ARMC6: variants seen among roughly 807,000 people sequenced by gnomAD.
ARMC6 encodes armadillo repeat-containing protein 6.
In ARMC6, 43 loss-of-function variants were observed where a neutral mutation model predicts 49.2. The ratio of observed to expected loss-of-function variants is 0.87; its 90% CI spans 0.69 to 1.13. ARMC6 has a LOEUF of 1.13. Ranked by LOEUF, ARMC6 falls within the 50% of genes most tolerant of loss-of-function variation. The pLI is 0.00. For synonymous variants in ARMC6, 262 were observed against 289.6 expected (o/e 0.90, Z 0.97); for missense variants, 627 against 682.0 (o/e 0.92, Z 0.90).
chr19:19,037,547 T>C (rs1241587013), intron 2 of ARMC6: 1 of 774,548 alleles, frequency 1.3e-6, no homozygotes, highest in Admixed American at 2.4e-5. Context: ...TGGTATTTTT[T>C]ATAGAGATGG....
At position 19,051,718 on chromosome 19, in the gene ARMC6, G is replaced by T; in HGVS notation, c.376G>T (p.Ala126Ser). Residue 126 changes from alanine (A) to serine (S), a missense_variant, in exon 5 of 9, where the codon GCC (alanine) becomes TCC (serine). Transcript: ENST00000535612. ...RFCDQCKQDK[A>S]CRFLAAQKGA... ...CTGCGACCAGTGCAAACAGGACAAG[G>T]CCTGCCGCTTCCTCGCGGCCCAGAA... 1 of 1,613,980 alleles carries T rather than the reference G, an allele frequency of 6.2e-7. No homozygotes were observed. Among genetic ancestry groups the T allele is most frequent in the Non-Finnish European group, 8.5e-7 (1 of 1,180,048 alleles).
intron 4 of ARMC6, 71 bp from the exon 5 acceptor site, chr19:19,051,551 C>T (rs1599646245): frequency 7.1e-7 from 1 of 1,410,822 alleles, no homozygotes. Context: ...TGCAGGGGTC[C>T]AGACACTGTT....
chr19:19,054,030 C>T (rs2059521855), intron 5 of ARMC6, 122 bp from the exon 6 acceptor site: 2 of 993,192 alleles, frequency 2.0e-6, no homozygotes, highest in South Asian at 5.2e-5. Flanking sequence ...TTCCTGGTGC[C>T]CGTGGCCACT....
rs373843719 is a variant in ARMC6, at chr19:19,054,589, C to T, written c.1023+268C>T. Reference sequence around the variant, plus strand: ...AGGCTGGGATACTTGGGTTAGTTCCCGCACCTCTGCCTCAGTTTCCCTAGC... The same window carrying T: ...AGGCTGGGATACTTGGGTTAGTTCCTGCACCTCTGCCTCAGTTTCCCTAGC... On this transcript the variant is annotated intron_variant, in intron 6 of 8. Transcript: ENST00000535612. 2.0e-5 allele frequency among the ~76,000 whole-genome samples: 3 copies of T among 152,220 alleles called. No homozygotes were observed. The East Asian group carries it at 5.8e-4, about 29-fold the overall frequency.
In ARMC6 at chr19:19,057,407, C is replaced by A; in HGVS notation, c.1294-9C>A. The A allele has an allele frequency of 6.2e-7, 1 of 1,611,362 alleles. No homozygotes were observed. Among genetic ancestry groups the A allele is most frequent in the Non-Finnish European group, 8.5e-7 (1 of 1,179,228 alleles). ...CCATCTGGCAGCTCACAGCTGCTCTCTCCTACAGAAACAGGCTTGCATGCT... is the reference window on the plus strand; with the variant it reads ...CCATCTGGCAGCTCACAGCTGCTCTATCCTACAGAAACAGGCTTGCATGCT... On this transcript the variant is annotated splice_polypyrimidine_tract_variant and intron_variant, in intron 8 of 8. Coordinates refer to ENST00000535612, the MANE Select transcript of ARMC6 (RefSeq NM_001199196.2).
intron 2 of ARMC6, among the ~76,000 whole-genome samples, chr19:19,042,178 T>C (rs2059416150): frequency 6.6e-6 from 1 of 152,200 alleles, no homozygotes; most frequent in African/African-American, 2.4e-5. Flanking sequence ...ATTATAGGCA[T>C]TGACCCACTG....
At chr19:19,035,342 A>T (rs1397191994) in intron 2 of ARMC6, among the ~76,000 whole-genome samples, 1 of 152,196 alleles carries the variant, frequency 6.6e-6, no homozygotes, top group Non-Finnish European at 1.5e-5. Context: ...CCTGGCTGAG[A>T]GAAGGAAACT....
Position 19,042,786 on chromosome 19 carries a change from C to G in ARMC6, c.105C>G (p.Thr35=). 6.2e-7 allele frequency: 1 copy of G among 1,614,034 alleles called. No homozygotes were observed. Among genetic ancestry groups the G allele is most frequent in the South Asian group, 1.1e-5 (1 of 91,088 alleles). ...KMVSKRIAQE[T]FDAAVRENIE... Reference sequence around the variant, plus strand: ...TCTCCAAGCGCATTGCCCAGGAGACCTTTGATGCAGCTGTGCGCGAGAACA... The same window carrying G: ...TCTCCAAGCGCATTGCCCAGGAGACGTTTGATGCAGCTGTGCGCGAGAACA... Residue 35 remains threonine, a synonymous_variant, in exon 3 of 9, where the codon ACC becomes ACG. Coordinates refer to ENST00000535612, the MANE Select transcript of ARMC6 (RefSeq NM_001199196.2).
intron 2 of ARMC6, among the ~76,000 whole-genome samples, chr19:19,035,703 G>A (rs2059359468): frequency 6.6e-6 from 1 of 152,150 alleles, no homozygotes; most frequent in African/African-American, 2.4e-5. Flanking sequence ...GCAGCCACCT[G>A]GAAGGGCTGG....
chr19:19,050,067 C>G (rs2059483585), intron 4 of ARMC6, among the ~76,000 whole-genome samples: 1 of 152,082 alleles, frequency 6.6e-6, no homozygotes, highest in Non-Finnish European at 1.5e-5. Flanking sequence ...CAGTATTTGT[C>G]TTTTGGTGAC....
chr19:19,048,459 G>A (rs1199242938), intron 4 of ARMC6, among the ~76,000 whole-genome samples: 1 of 151,938 alleles, frequency 6.6e-6, no homozygotes, highest in African/African-American at 2.4e-5. Context: ...GGAGGCGGAG[G>A]TTGCAGTAAG....
chr19:19,055,347 G>T lies in ARMC6; in HGVS notation c.1106G>T (p.Gly369Val). ...DVKDAIVRAG[G>V]TESIVAAMTQ... ...AAAGATGCTATTGTCCGTGCTGGTGGGACGGAGTCCATCGTGGCTGCTATG... is the reference window on the plus strand; with the variant it reads ...AAAGATGCTATTGTCCGTGCTGGTGTGACGGAGTCCATCGTGGCTGCTATG... The change falls in exon 7 of 9, where the codon GGG becomes GTG. Residue 369 changes from glycine (G) to valine (V), a missense_variant. Gly to Val is a moderately radical substitution (Grantham distance 109, BLOSUM62 -3). Transcript: ENST00000535612. This position sits in a 1 kb window ranked among gnomAD's most constrained non-coding sequence, Gnocchi z 5.7. 8 of 1,613,266 alleles carry T rather than the reference G, an allele frequency of 5.0e-6. No homozygotes were observed. The highest frequency in any genetic ancestry group is 6.8e-6 in the Non-Finnish European group (8 of 1,179,598).
intron 2 of ARMC6, among the ~76,000 whole-genome samples, chr19:19,040,017 G>C (rs569117640): frequency 2.2e-4 from 34 of 152,286 alleles, no homozygotes; most frequent in Admixed American, 8.5e-4. Flanking sequence ...CAGTTCCTCA[G>C]CCACACTGCC....
At chr19:19,044,128 C>A in intron 4 of ARMC6, 54 bp downstream of exon 4, 1 of 1,527,562 alleles carries the variant, frequency 6.5e-7, no homozygotes, top group South Asian at 1.1e-5. Context: ...TCTGGGGGCA[C>A]CTCTTCCCTG....
In ARMC6 at chr19:19,055,808, C is replaced by A; in HGVS notation, c.1173C>A (p.Cys391Ter). Residue 391 changes from cysteine to a stop codon, truncating the protein, a stop_gained, in exon 8 of 9, where the codon TGC becomes TGA. Coordinates refer to ENST00000535612, the MANE Select transcript of ARMC6 (RefSeq NM_001199196.2). LOFTEE classifies it high-confidence loss of function. This position sits in a 1 kb window ranked among gnomAD's most constrained non-coding sequence, Gnocchi z 5.7. Reference sequence around the variant, plus strand: ...CCCTGCAGGTGTGTGAGCAGAGCTGCGCGGCCCTGTGCTTCCTGGCCCTGC... The same window carrying A: ...CCCTGCAGGTGTGTGAGCAGAGCTGAGCGGCCCTGTGCTTCCTGGCCCTGC... ...LTSPQVCEQSCAALCFLALRK... is the reference protein window; with the variant it reads ...LTSPQVCEQS 1 of 1,593,632 alleles carries A rather than the reference C, an allele frequency of 6.3e-7. No homozygotes were observed. The highest frequency in any genetic ancestry group is 8.6e-7 in the Non-Finnish European group (1 of 1,166,436).
chr19:19,038,913 A>C (rs1006150037), intron 2 of ARMC6, among the ~76,000 whole-genome samples: 4 of 151,530 alleles, frequency 2.6e-5, no homozygotes, highest in Non-Finnish European at 5.9e-5. Flanking sequence ...ACACACACAC[A>C]CACACACACA....
intron 2 of ARMC6, among the ~76,000 whole-genome samples, chr19:19,036,762 C>A (rs78446236): frequency 6.6e-6 from 1 of 152,214 alleles, no homozygotes; most frequent in African/African-American, 2.4e-5. Context: ...AGGAAAGGAA[C>A]AAATAGCTAA....
Position 19,055,277 on chromosome 19 carries a change from C to A in ARMC6, c.1036C>A (p.Gln346Lys), listed in dbSNP as rs776833065. Reference protein sequence around the residue: ...DQSGVQELVKQVLSTLRAIAG... With the variant: ...DQSGVQELVKKVLSTLRAIAG... ...TTCCCTTGTGCAGGAGCTCGTGAAG[C>A]AAGTGCTGAGCACCCTGCGAGCCAT... is the stretch of plus-strand genomic sequence containing the variant. The change falls in exon 7 of 9, where the codon CAA becomes AAA. Residue 346 changes from glutamine (Q) to lysine (K), a missense_variant. Gln to Lys is a moderately conservative substitution (Grantham distance 53). Transcript: ENST00000535612. This position sits in a 1 kb window ranked among gnomAD's most constrained non-coding sequence, Gnocchi z 5.7. 7 of 1,603,868 alleles carry A rather than the reference C, an allele frequency of 4.4e-6. No homozygotes were observed. The Admixed American group carries it at 1.2e-4, about 27-fold the overall frequency.
chr19:19,042,777 C>G lies in ARMC6; in HGVS notation c.96C>G (p.Ala32=). 4 of 1,613,968 alleles carry G rather than the reference C, an allele frequency of 2.5e-6. No homozygotes were observed. The highest frequency in any genetic ancestry group is 2.7e-5 in the African/African-American group (2 of 75,064). The change falls in exon 3 of 9, where the codon GCC becomes GCG. Residue 32 remains alanine, a synonymous_variant. Transcript: ENST00000535612. ...TQAKMVSKRI[A]QETFDAAVRE... ...CGAAGATGGTCTCCAAGCGCATTGC[C>G]CAGGAGACCTTTGATGCAGCTGTGC...
Sources: gnomAD v4.1 joint callset for allele counts (sites outside exome capture counted in the v4.1 genomes callset) on GRCh38, gnomAD v4.1.1 for gene constraint, Gnocchi (gnomAD v3.1) non-coding constraint, MANE v1.5 for transcripts, NCBI Gene and HGNC (gene_info 2026-07-23, HGNC 2026-07-21) for gene names.